PRSS54: variants seen among roughly 807,000 people sequenced by gnomAD.
The protein encoded by PRSS54 is serine protease 54, also known as inactive serine protease 54.
Under a neutral mutation model 19.9 loss-of-function variants are expected in PRSS54, and 16 were observed. The observed-to-expected ratio is 0.80, with a 90% confidence interval of 0.54 to 1.22. PRSS54 has a LOEUF of 1.22. PRSS54 is among the 50% of genes most tolerant of loss of function. PRSS54 has a pLI of 0.00. For missense variants in PRSS54, 444 were observed against 494.8 expected, an observed-to-expected ratio of 0.90 and a Z score of 0.97; for synonymous variants, 177 against 195.8, an observed-to-expected ratio of 0.90 and a Z score of 0.80.
rs937061097 is a variant in PRSS54 at position 58,286,743 on chromosome 16, G to A, written c.264-548C>T. On this transcript the variant is annotated intron_variant, in intron 4 of 6. Transcript: ENST00000567164. Reference sequence around the variant, plus strand: ...AGAATGAGGAACAAATACAAACACCGTAAAACCAAGAGACGCTAAAGAATC... The same window carrying A: ...AGAATGAGGAACAAATACAAACACCATAAAACCAAGAGACGCTAAAGAATC... Among the ~76,000 whole-genome samples the A allele has an allele frequency of 7.2e-5, 11 of 152,234 alleles. No individual in the cohort carries two copies. In the East Asian group the frequency reaches 7.7e-4, roughly 11 times the overall value.
chr16:58,286,047 CTG>C lies in PRSS54; in HGVS notation c.410_411del (p.Thr137SerfsTer56). 6.2e-7 allele frequency: 1 copy of C among 1,614,216 alleles called. No individual in the cohort carries two copies. Among genetic ancestry groups the C allele is most frequent in the Non-Finnish European group, 8.5e-7 (1 of 1,180,050 alleles). ...TGGACCAGGTTGCCAAAATGCATCG[CTG>C]TGTCTGTCTTCAGGAGGGCTATGTT... ...SNNIALLKTD[T>X]AMHFGNLVQS... On this transcript the variant is annotated frameshift_variant, in exon 5 of 7. Transcript: ENST00000567164.
intron 4 of PRSS54, among the ~76,000 whole-genome samples, chr16:58,289,627 A>G (rs1964993913): frequency 6.6e-6 from 1 of 150,926 alleles, no homozygotes; most frequent in African/African-American, 2.4e-5. Context: ...GCTGGAGTGC[A>G]GTGGCACAAT....
intron 6 of PRSS54, chr16:58,283,644 G>A (rs1170660676): frequency 2.0e-5 from 3 of 152,098 alleles, no homozygotes; most frequent in Non-Finnish European, 4.4e-5. Flanking sequence ...GCAGAATTTT[G>A]TTAAAAAGCT....
chr16:58,290,742 T>C (rs1203497499), intron 4 of PRSS54, among the ~76,000 whole-genome samples: 1 of 152,220 alleles, frequency 6.6e-6, no homozygotes, highest in African/African-American at 2.4e-5. Flanking sequence ...GACTCATCAT[T>C]GCATTTTTCC....
Position 58,280,354 on chromosome 16 carries a change from G to T in PRSS54, c.1058C>A (p.Pro353His), listed in dbSNP as rs146825115. Reference protein sequence around the residue: ...SGRSPEASVQPLYYDYYGGEV... With the variant: ...SGRSPEASVQHLYYDYYGGEV... ...CCCACCGTAATAGTCATAGTATAAGGGTTGTACAGACGCCTCAGGAGACCT... is the reference window on the plus strand; with the variant it reads ...CCCACCGTAATAGTCATAGTATAAGTGTTGTACAGACGCCTCAGGAGACCT... The change falls in exon 7 of 7, where the codon CCC becomes CAC. Residue 353 changes from proline to histidine, a missense_variant. Coordinates refer to ENST00000567164, the MANE Select transcript of PRSS54 (RefSeq NM_001305173.2). 2,210 of 1,614,096 alleles carry T rather than the reference G, an allele frequency of 1.4e-3. 11 individuals are homozygous for T. The highest frequency in any genetic ancestry group is 1.4e-3 in the South Asian group (128 of 91,062).
chr16:58,281,769 A>G (rs1457215170), intron 6 of PRSS54: 1 of 152,532 alleles, frequency 6.6e-6, no homozygotes, highest in Non-Finnish European at 1.5e-5. Context: ...CTGAACCACG[A>G]GCAGCAGAAA....
rs1473874434 is a variant in PRSS54 at position 58,293,732 on chromosome 16, T to G, written c.85A>C (p.Ser29Arg). The change falls in exon 3 of 7, where the codon AGT (serine) becomes CGT (arginine). Residue 29 changes from serine (S) to arginine (R), a missense_variant and splice_region_variant. Ser to Arg is a moderately radical substitution (Grantham distance 110). Transcript: ENST00000567164. ...AGAGGGAGGAAAGCAGCACACTCAC[T>G]GGTGGAAGAATAGAGAAGGCCGAGC... ...VLLGLLYSST[S>R]CGVQKASVFY... 6.2e-7 allele frequency: 1 copy of G among 1,612,124 alleles called. No homozygotes were observed. Among genetic ancestry groups the G allele is most frequent in the Non-Finnish European group, 8.5e-7 (1 of 1,179,298 alleles).
chr16:58,291,147 G>C lies in PRSS54; in HGVS notation c.86-11C>G, dbSNP rs1336637330. On this transcript the variant is annotated splice_polypyrimidine_tract_variant and intron_variant, in intron 3 of 6. Transcript: ENST00000567164. ...TCTGGACGCCACAACCTGCGGAGCA[G>C]GTGCGGGGCCTCACTGCCGGGGCAA... 1.9e-6 allele frequency: 3 copies of C among 1,612,570 alleles called. No homozygotes were observed. The highest frequency in any genetic ancestry group is 1.3e-5 in the African/African-American group (1 of 74,874).
Position 58,280,520 on chromosome 16 carries a change from G to T in PRSS54, c.892C>A (p.Gln298Lys). 6.2e-7 allele frequency: 1 copy of T among 1,614,180 alleles called. No homozygotes were observed. The highest frequency in any genetic ancestry group is 8.5e-7 in the Non-Finnish European group (1 of 1,180,024). The change falls in exon 7 of 7, where the codon CAG (glutamine) becomes AAG (lysine). Residue 298 changes from glutamine to lysine, a missense_variant. Physicochemically the swap from Gln to Lys is moderately conservative, Grantham distance 53 (BLOSUM62 1). Transcript: ENST00000567164. ...AGTTCAGAATCAGAATATGTCTTCT[G>T]TGTCATGGTGGCATTTGGTCCATGG... is the stretch of plus-strand genomic sequence containing the variant. Reference protein sequence around the residue: ...SHHGPNATMTQKTYSDSELGH... With the variant: ...SHHGPNATMTKKTYSDSELGH...
chr16:58,292,031 C>T (rs774361834), intron 3 of PRSS54, among the ~76,000 whole-genome samples: 11 of 152,056 alleles, frequency 7.2e-5, no homozygotes, highest in African/African-American at 4.8e-5. Flanking sequence ...TGGGTTCAAG[C>T]GACTCCCCTG....
chr16:58,283,215 G>A (rs1270663757), intron 6 of PRSS54: 3 of 152,318 alleles, frequency 2.0e-5, no homozygotes, highest in South Asian at 4.1e-4. Flanking sequence ...GAACCTGGTG[G>A]TTGATTCTAC....
chr16:58,290,197 A>C (rs907781208), intron 4 of PRSS54, among the ~76,000 whole-genome samples: 15 of 150,604 alleles, frequency 1.0e-4, no homozygotes, highest in African/African-American at 3.6e-4. Flanking sequence ...TAGCATGTAT[A>C]TATATGAAAA....
At chr16:58,291,681 G>T (rs926421377) in intron 3 of PRSS54, among the ~76,000 whole-genome samples, 16 of 152,104 alleles carry the variant, frequency 1.1e-4, no homozygotes, top group Non-Finnish European at 2.1e-4. Context: ...ATGAGGTCTT[G>T]CTATGTTCCC....
chr16:58,280,376 A>G lies in PRSS54; in HGVS notation c.1036T>C (p.Ser346Pro), dbSNP rs755892539. 11 of 1,613,928 alleles carry G rather than the reference A, an allele frequency of 6.8e-6. No individual in the cohort carries two copies. The highest frequency in any genetic ancestry group is 7.6e-6 in the Non-Finnish European group (9 of 1,180,010). Reference protein sequence around the residue: ...REKDVKESGRSPEASVQPLYY... With the variant: ...REKDVKESGRPPEASVQPLYY... Reference sequence around the variant, plus strand: ...AAGGGTTGTACAGACGCCTCAGGAGACCTGCCTGATTCCTTTACATCCTTC... The same window carrying G: ...AAGGGTTGTACAGACGCCTCAGGAGGCCTGCCTGATTCCTTTACATCCTTC... The change falls in exon 7 of 7, where the codon TCT becomes CCT. Residue 346 changes from serine (S) to proline (P), a missense_variant. By Grantham distance (74) the Ser-to-Pro change is moderately conservative (BLOSUM62 -1). Transcript: ENST00000567164.
At chr16:58,289,794 C>T (rs958076085) in intron 4 of PRSS54, among the ~76,000 whole-genome samples, 1 of 151,828 alleles carries the variant, frequency 6.6e-6, no homozygotes, top group Non-Finnish European at 1.5e-5. Flanking sequence ...GCTGGTCTCA[C>T]GAGAACTCCT....
At chr16:58,290,809 G>T in intron 4 of PRSS54, 150 bp downstream of exon 4, 1 of 804,242 alleles carries the variant, frequency 1.2e-6, no homozygotes, top group Admixed American at 2.9e-5. Context: ...GGTGAATTTA[G>T]GGCTCACGAC....
chr16:58,282,346 G>T (rs1964782894), intron 6 of PRSS54: 1 of 152,294 alleles, frequency 6.6e-6, no homozygotes, highest in South Asian at 2.1e-4. Context: ...TCACGATGTT[G>T]GCCAGGCTGG....
intron 6 of PRSS54, chr16:58,281,008 C>A: frequency 2.1e-6 from 1 of 481,918 alleles, no homozygotes; most frequent in Non-Finnish European, 3.7e-6. Flanking sequence ...GTTCATATTT[C>A]ATTTTCTTGC....
intron 3 of PRSS54, chr16:58,293,445 G>T: frequency 1.6e-6 from 1 of 626,444 alleles, no homozygotes; most frequent in African/African-American, 2.0e-5. Context: ...GGGGCTGGGA[G>T]TGAAGAGGCA....
Sources: allele counts gnomAD v4.1 joint callset (sites outside exome capture counted in the v4.1 genomes callset), GRCh38; gene constraint gnomAD v4.1.1; transcripts MANE v1.5; gene names NCBI Gene and HGNC (gene_info 2026-07-23, HGNC 2026-07-21).